SLC5A3: variants seen among roughly 807,000 people sequenced by gnomAD.
SLC5A3 encodes sodium/myo-inositol cotransporter.
A neutral mutation model predicts 43.2 loss-of-function variants in SLC5A3; 10 were observed. The ratio of observed to expected loss-of-function variants is 0.23; its 90% CI spans 0.14 to 0.39. The LOEUF is 0.39. SLC5A3 is among the 10% of genes least tolerant of loss of function. SLC5A3 has a pLI of 1.00. For synonymous variants in SLC5A3, 349 were observed against 322.0 expected (o/e 1.08, Z -0.90); for missense variants, 608 against 893.4 (o/e 0.68, Z 4.07).
rs1238127259 is a variant in SLC5A3, at chr21:34,097,016, G to A, written c.1818G>A (p.Leu606=). The change falls in exon 2 of 2, where the codon TTG becomes TTA. Residue 606 remains leucine, a synonymous_variant. Coordinates refer to ENST00000381151, the MANE Select transcript of SLC5A3 (RefSeq NM_006933.7). ...TTCAGCCTGAAGATGTTAATCTGTT[G>A]GTAACCTGCAGAGAGGAGGGCAACC... ...KGLQPEDVNL[L]VTCREEGNPV... The A allele has an allele frequency of 6.2e-7, 1 of 1,614,094 alleles. No homozygotes were observed. The highest frequency in any genetic ancestry group is 8.5e-7 in the Non-Finnish European group (1 of 1,179,984).
In SLC5A3 at chr21:34,105,018, T is replaced by C. The variant is rs1403395922; in HGVS notation, c.*7663T>C. On this transcript the variant is annotated 3_prime_UTR_variant, in exon 2 of 2. Transcript: ENST00000381151. ...TAATTTCACTGTGAGATCTCTAACT[T>C]TTGAGTGGCAAACAGATCAAGTCTT... The C allele has an allele frequency of 3.0e-6, 3 of 1,000,050 alleles. No individual in the cohort carries two copies. The highest frequency in any genetic ancestry group is 2.4e-6 in the Non-Finnish European group (2 of 829,906). The allele number at this position is 1,000,050 out of a possible 1,614,324, so 61.9% of individuals were successfully genotyped here.
chr21:34,091,409 A>G (rs755270664), intron 1 of SLC5A3, among the ~76,000 whole-genome samples: 1 of 152,132 alleles, frequency 6.6e-6, no homozygotes, highest in Non-Finnish European at 1.5e-5. Flanking sequence ...GTTTACATAT[A>G]GTTCCAGAAT....
Position 34,099,748 on chromosome 21 carries a change from A to C in SLC5A3, c.*2393A>C. 1.0e-6 allele frequency: 1 copy of C among 980,544 alleles called. No individual in the cohort carries two copies. The highest frequency in any genetic ancestry group is 1.2e-6 in the Non-Finnish European group (1 of 812,802). The allele number at this position is 980,544 out of a possible 1,614,324, so 60.7% of individuals were successfully genotyped here. A position where few individuals can be genotyped will look rare whatever the true frequency, so the allele number is the denominator to read the frequency against. On this transcript the variant is annotated 3_prime_UTR_variant, in exon 2 of 2. Coordinates refer to ENST00000381151, the MANE Select transcript of SLC5A3 (RefSeq NM_006933.7). ...GTGTATATAGCAGTAGGTCAAGTTT[A>C]GAGTACTAAAGTCTGTAAATAAGGA...
At chr21:34,085,748 G>A (rs1290414927) in intron 1 of SLC5A3, among the ~76,000 whole-genome samples, 1 of 151,906 alleles carries the variant, frequency 6.6e-6, no homozygotes, top group Non-Finnish European at 1.5e-5. Flanking sequence ...GACTACAGGC[G>A]CCCGCCACCG....
rs367629623 is a variant in SLC5A3 at position 34,102,997 on chromosome 21, T to C, written c.*5642T>C. On this transcript the variant is annotated 3_prime_UTR_variant, in exon 2 of 2. Transcript: ENST00000381151. Reference sequence around the variant, plus strand: ...AAGAGTGTTTACTTTTTATTGCTCTTAGACAGAGTAGTCTAGATAAGTTTT... The same window carrying C: ...AAGAGTGTTTACTTTTTATTGCTCTCAGACAGAGTAGTCTAGATAAGTTTT... The C allele has an allele frequency of 2.6e-5, 26 of 999,986 alleles. 1 individual carries two copies. The African/African-American group carries it at 4.0e-4, about 15-fold the overall frequency. The allele number at this position is 999,986 out of a possible 1,614,324, so 61.9% of individuals were successfully genotyped here.
At chr21:34,084,823 C>T (rs1465163557) in intron 1 of SLC5A3, among the ~76,000 whole-genome samples, 1 of 152,164 alleles carries the variant, frequency 6.6e-6, no homozygotes. Flanking sequence ...TTTCCCTTGG[C>T]TAACATGACT....
chr21:34,088,646 T>C (rs1326697048), intron 1 of SLC5A3, among the ~76,000 whole-genome samples: 2 of 152,222 alleles, frequency 1.3e-5, no homozygotes, highest in Non-Finnish European at 2.9e-5. Flanking sequence ...GCATAGTGAT[T>C]AAGGGCAAAA....
At position 34,099,507 on chromosome 21, in the gene SLC5A3, T is replaced by C. The variant is rs1235799566; in HGVS notation, c.*2152T>C. 2.0e-6 allele frequency: 2 copies of C among 999,606 alleles called. No individual in the cohort carries two copies. The highest frequency in any genetic ancestry group is 2.4e-6 in the Non-Finnish European group (2 of 829,626). 61.9% of individuals were successfully genotyped at this position (999,606 alleles called of 1,614,324 possible). A position where few individuals can be genotyped will look rare whatever the true frequency, so the allele number is the denominator to read the frequency against. On this transcript the variant is annotated 3_prime_UTR_variant, in exon 2 of 2. Transcript: ENST00000381151. ...AAGTTGTAAGAACTAAAATTTTCTTTGAACCACATTACTGTGTAATTCACT... is the reference window on the plus strand; with the variant it reads ...AAGTTGTAAGAACTAAAATTTTCTTCGAACCACATTACTGTGTAATTCACT...
Position 34,096,961 on chromosome 21 carries a change from A to G in SLC5A3, c.1763A>G (p.Asn588Ser), listed in dbSNP as rs746162259. Residue 588 changes from asparagine (N) to serine (S), a missense_variant, in exon 2 of 2, where the codon AAC becomes AGC. Physicochemically the swap from Asn to Ser is conservative, Grantham distance 46. Around this residue, in one of 2 missense-constraint regions of SLC5A3, gnomAD observed 210 missense variants for 224.8 expected, o/e 0.93. Coordinates refer to ENST00000381151, the MANE Select transcript of SLC5A3 (RefSeq NM_006933.7). The surrounding 1 kb of genome is among the most constrained non-coding windows in gnomAD (Gnocchi z 5.9). ...GAGACCATCAACCACATCATTCCCA[A>G]CGGGAAATCTGAAGACAGCATTAAG... ...NNETINHIIP[N>S]GKSEDSIKGL... is the part of the protein sequence containing the mutation. 61 of 1,614,010 alleles carry G rather than the reference A, an allele frequency of 3.8e-5. No individual in the cohort carries two copies. The highest frequency in any genetic ancestry group is 5.0e-5 in the Non-Finnish European group (59 of 1,179,996).
At chr21:34,080,905 G>C (rs1454529495) in intron 1 of SLC5A3, among the ~76,000 whole-genome samples, 4 of 152,218 alleles carry the variant, frequency 2.6e-5, no homozygotes, top group Admixed American at 2.6e-4. Context: ...CACGCTGGGT[G>C]AGTTGTATGT....
At chr21:34,079,475 G>T (rs1174980432) in intron 1 of SLC5A3, among the ~76,000 whole-genome samples, 1 of 151,744 alleles carries the variant, frequency 6.6e-6, no homozygotes, top group Non-Finnish European at 1.5e-5. Flanking sequence ...TTGCTGTGTT[G>T]CCTAGGCTGG....
In SLC5A3 at chr21:34,099,003, T is replaced by A. The variant is rs1489075504; in HGVS notation, c.*1648T>A. The A allele has an allele frequency of 1.0e-6, 1 of 991,164 alleles. No homozygotes were observed. Among genetic ancestry groups the A allele is most frequent in the Non-Finnish European group, 1.2e-6 (1 of 821,810 alleles). 61.4% of individuals were successfully genotyped at this position (991,164 alleles called of 1,614,324 possible). ...TGAATCAAAACTCAGTCTTTTTAAT[T>A]TTTTTGTAGTCTATAAACTAGTTTC... On this transcript the variant is annotated 3_prime_UTR_variant, in exon 2 of 2. Transcript: ENST00000381151.
rs1450909418 is a variant in SLC5A3 at position 34,102,713 on chromosome 21, G to A, written c.*5358G>A. 1 of 1,000,036 alleles carries A rather than the reference G, an allele frequency of 1.0e-6. No individual in the cohort carries two copies. Among genetic ancestry groups the A allele is most frequent in the Non-Finnish European group, 1.2e-6 (1 of 829,916 alleles). 61.9% of individuals were successfully genotyped at this position (1,000,036 alleles called of 1,614,324 possible). ...AGCAGCTGAAGAGCGAGCAAATCAA[G>A]ACAAAACACAGTGGTCTCAGATTTT... On this transcript the variant is annotated 3_prime_UTR_variant, in exon 2 of 2. Coordinates refer to ENST00000381151, the MANE Select transcript of SLC5A3 (RefSeq NM_006933.7).
intron 1 of SLC5A3, among the ~76,000 whole-genome samples, chr21:34,085,078 C>T (rs555390509): frequency 3.9e-5 from 6 of 152,288 alleles, no homozygotes; most frequent in African/African-American, 9.6e-5. Flanking sequence ...TAGAAATTTA[C>T]GCTGTTCTTC....
Position 34,095,323 on chromosome 21 carries a change from C to A in SLC5A3, c.125C>A (p.Ala42Glu). The change falls in exon 2 of 2, where the codon GCG becomes GAG. Residue 42 changes from alanine (A) to glutamate (E), a missense_variant. Physicochemically the swap from Ala to Glu is moderately radical, Grantham distance 107 (BLOSUM62 -1). This residue lies in a region of SLC5A3 where 398 missense variants were observed against 668.6 expected (regional missense o/e 0.60). Transcript: ENST00000381151. ...NRSTVSGYFL[A>E]GRSMTWVAIG... ...AGCACCGTGAGTGGATACTTCCTGG[C>A]GGGGCGCTCTATGACCTGGGTAGCA... The A allele has an allele frequency of 1.2e-6, 2 of 1,614,032 alleles. No homozygotes were observed. The highest frequency in any genetic ancestry group is 1.7e-6 in the Non-Finnish European group (2 of 1,179,946).
At position 34,075,830 on chromosome 21, in the gene SLC5A3, A is replaced by G. The variant is rs143661004; in HGVS notation, c.-337+2085A>G. ...CAGTTTAGGAAAATAGGATTCTAAAATAGGATGAATGTTTGGGGGGAAACG... is the reference window on the plus strand; with the variant it reads ...CAGTTTAGGAAAATAGGATTCTAAAGTAGGATGAATGTTTGGGGGGAAACG... On this transcript the variant is annotated intron_variant, in intron 1 of 1. Coordinates refer to ENST00000381151, the MANE Select transcript of SLC5A3 (RefSeq NM_006933.7). Among the ~76,000 whole-genome samples, 41 of 152,322 alleles carry G rather than the reference A, an allele frequency of 2.7e-4. 2 individuals are homozygous for G. Among genetic ancestry groups the G allele is most frequent in the African/African-American group, 9.4e-4 (39 of 41,540 alleles).
At position 34,073,583 on chromosome 21, in the gene SLC5A3, C is replaced by T. The variant is rs1459290963; in HGVS notation, c.-499C>T. ...GGCTCGCGCTCTCGGACCGTGCTTT[C>T]GCCGCCTGGGAGCCGTCCGGCGCAG... On this transcript the variant is annotated 5_prime_UTR_variant, in exon 1 of 2. Coordinates refer to ENST00000381151, the MANE Select transcript of SLC5A3 (RefSeq NM_006933.7). 7.0e-6 allele frequency: 6 copies of T among 858,166 alleles called. No individual in the cohort carries two copies. The highest frequency in any genetic ancestry group is 3.6e-5 in the African/African-American group (2 of 55,102). The allele number at this position is 858,166 out of a possible 1,614,324, so 53.2% of individuals were successfully genotyped here. A position where few individuals can be genotyped will look rare whatever the true frequency, so the allele number is the denominator to read the frequency against.
chr21:34,093,682 T>TA (rs2148658614), intron 1 of SLC5A3, among the ~76,000 whole-genome samples: 1 of 152,332 alleles, frequency 6.6e-6, no homozygotes, highest in South Asian at 2.1e-4. Context: ...TTAGGTTGAA[T>TA]AAAATTGTTG....
chr21:34,077,464 T>C (rs1989360185), intron 1 of SLC5A3, among the ~76,000 whole-genome samples: 1 of 152,206 alleles, frequency 6.6e-6, no homozygotes, highest in Admixed American at 6.5e-5. Flanking sequence ...TTTCCTGAAA[T>C]CTTCTCATTG....
Sources: gnomAD v4.1 joint callset for allele counts (sites outside exome capture counted in the v4.1 genomes callset) on GRCh38, gnomAD v4.1.1 for gene constraint, gnomAD v4.1.1 regional missense constraint, Gnocchi (gnomAD v3.1) non-coding constraint, MANE v1.5 for transcripts, NCBI Gene and HGNC (gene_info 2026-07-23, HGNC 2026-07-21) for gene names.